CACNA1C: variants seen among roughly 807,000 people sequenced by gnomAD.
The protein encoded by CACNA1C is calcium voltage-gated channel subunit alpha1 C, also known as voltage-dependent L-type calcium channel subunit alpha-1C.
In CACNA1C, 30 loss-of-function variants were observed where a neutral mutation model predicts 229.0. The ratio of observed to expected loss-of-function variants is 0.13; its 90% CI spans 0.10 to 0.18. CACNA1C has a LOEUF of 0.18. Ranked by LOEUF, CACNA1C falls within the 10% of genes least tolerant of loss-of-function variation. CACNA1C has a pLI of 1.00. For synonymous variants in CACNA1C, 1,114 were observed against 1,132.5 expected (o/e 0.98, Z 0.33); for missense variants, 1,658 against 2,845.0 (o/e 0.58, Z 9.49).
intron 1 of CACNA1C, among the ~76,000 whole-genome samples, chr12:1,976,139 G>A (rs2034286175): frequency 6.6e-6 from 1 of 152,192 alleles, no homozygotes; most frequent in Non-Finnish European, 1.5e-5. Context: ...TTCAGCCTAA[G>A]TGGAGTACTG....
chr12:2,634,837 C>T (rs536687294), intron 30 of CACNA1C, among the ~76,000 whole-genome samples: 2 of 152,296 alleles, frequency 1.3e-5, no homozygotes, highest in Admixed American at 6.5e-5. Flanking sequence ...CAGAAGGGAG[C>T]TCTCTCAAAG....
intron 3 of CACNA1C, among the ~76,000 whole-genome samples, chr12:2,443,124 G>A (rs866737789): frequency 6.6e-6 from 1 of 152,318 alleles, no homozygotes. Flanking sequence ...CAGGGCTGGA[G>A]GGCCCGGTAG....
chr12:2,336,940 G>A (rs903963398), intron 3 of CACNA1C, among the ~76,000 whole-genome samples: 2 of 152,186 alleles, frequency 1.3e-5, no homozygotes, highest in African/African-American at 2.4e-5. Flanking sequence ...GCTTCCCCTG[G>A]AAAGGTGGGA....
In CACNA1C at chr12:2,592,098, C is replaced by T. The variant is rs192937430; in HGVS notation, c.2531-1115C>T. The stretch of plus-strand genomic sequence containing the variant: ...AAAGTTCTAGGTAGGCATGAGTTTG[C>T]GGGGGAAACTGTTCAACCCACTGTA... On this transcript the variant is annotated intron_variant, in intron 18 of 46. Coordinates refer to ENST00000399655, the MANE Select transcript of CACNA1C (RefSeq NM_000719.7). Among the ~76,000 whole-genome samples the T allele has an allele frequency of 9.9e-5, 15 of 152,190 alleles. No individual in the cohort carries two copies. The South Asian group carries it at 2.5e-3, about 25-fold the overall frequency.
At position 2,575,401 on chromosome 12, in the gene CACNA1C, A is replaced by T. The variant is rs2058031822; in HGVS notation, c.1896-6189A>T. Among the ~76,000 whole-genome samples, 1 of 152,078 alleles carries T rather than the reference A, an allele frequency of 6.6e-6. No homozygotes were observed. ...GCCTCTGGGCATCCTAATCCCTCCC[A>T]GCTCTATTGTGTCTTAAGGGGCTGG... On this transcript the variant is annotated intron_variant, in intron 13 of 46. Coordinates refer to ENST00000399655, the MANE Select transcript of CACNA1C (RefSeq NM_000719.7). This position sits in a 1 kb window ranked among gnomAD's most constrained non-coding sequence, Gnocchi z 4.0.
At chr12:2,255,763 C>T (rs745747272) in intron 3 of CACNA1C, among the ~76,000 whole-genome samples, 8 of 147,196 alleles carry the variant, frequency 5.4e-5, no homozygotes, top group Non-Finnish European at 1.2e-4. Flanking sequence ...CTTGGCCCTA[C>T]GGATATCACA....
rs1424448157 is a variant in CACNA1C, at chr12:2,488,824, C to T, written c.916+2562C>T. 1.3e-5 allele frequency among the ~76,000 whole-genome samples: 2 copies of T among 152,232 alleles called. No individual in the cohort carries two copies. The highest frequency in any genetic ancestry group is 2.9e-5 in the Non-Finnish European group (2 of 68,040). ...GCAGAAGCCTGTCCTCTCAAATACT[C>T]TGCAATCAGGAGCTTGCTGTCCCTT... is the stretch of plus-strand genomic sequence containing the variant. On this transcript the variant is annotated intron_variant, in intron 6 of 46. Coordinates refer to ENST00000399655, the MANE Select transcript of CACNA1C (RefSeq NM_000719.7). This position sits in a 1 kb window ranked among gnomAD's most constrained non-coding sequence, Gnocchi z 4.0.
intron 3 of CACNA1C, among the ~76,000 whole-genome samples, chr12:2,321,554 G>A (rs1194139813): frequency 6.6e-6 from 1 of 152,166 alleles, no homozygotes; most frequent in Non-Finnish European, 1.5e-5. Flanking sequence ...AGCAGTGGCT[G>A]AGATACAGCT....
At chr12:2,627,250 T>C (rs560534397) in intron 29 of CACNA1C, among the ~76,000 whole-genome samples, 6 of 152,336 alleles carry the variant, frequency 3.9e-5, no homozygotes, top group African/African-American at 1.4e-4. Context: ...CTGGCAGCTG[T>C]GTGCTCCAGT....
intron 3 of CACNA1C, among the ~76,000 whole-genome samples, chr12:2,127,247 A>T (rs2090473418): frequency 6.6e-6 from 1 of 152,042 alleles, no homozygotes; most frequent in Admixed American, 6.5e-5. Flanking sequence ...TTGGACCACC[A>T]CCGCAAGTTC....
At position 2,606,979 on chromosome 12, in the gene CACNA1C, C is replaced by A. The variant is rs373331407; in HGVS notation, c.3210-5C>A. The stretch of plus-strand genomic sequence containing the variant: ...CAGAGTAAACTCCTTCTCCTCCTCT[C>A]TCAGGGGCAACTACATCACGTACAA... On this transcript the variant is annotated splice_polypyrimidine_tract_variant and splice_region_variant and intron_variant, in intron 25 of 46. Coordinates refer to ENST00000399655, the MANE Select transcript of CACNA1C (RefSeq NM_000719.7). 8.1e-6 allele frequency: 13 copies of A among 1,613,588 alleles called. No homozygotes were observed. The highest frequency in any genetic ancestry group is 1.3e-5 in the African/African-American group (1 of 74,944).
At chr12:2,371,343 C>T (rs2097858707) in intron 3 of CACNA1C, among the ~76,000 whole-genome samples, 2 of 152,236 alleles carry the variant, frequency 1.3e-5, no homozygotes, top group Admixed American at 6.5e-5. Flanking sequence ...CGTAGGATTT[C>T]TGCAGTCCCA....
chr12:2,023,931 T>C (rs2154488881), intron 1 of CACNA1C, among the ~76,000 whole-genome samples: 1 of 152,326 alleles, frequency 6.6e-6, no homozygotes, highest in East Asian at 1.9e-4. Context: ...AAAAGAGCAC[T>C]GCACCGGGAG....
At chr12:2,371,257 C>G (rs2097856810) in intron 3 of CACNA1C, among the ~76,000 whole-genome samples, 1 of 152,070 alleles carries the variant, frequency 6.6e-6, no homozygotes, top group African/African-American at 2.4e-5. Flanking sequence ...CACCAGGACA[C>G]AAAGCATCCT....
intron 29 of CACNA1C, among the ~76,000 whole-genome samples, chr12:2,625,976 A>G (rs1191330852): frequency 2.0e-5 from 3 of 152,066 alleles, no homozygotes; most frequent in East Asian, 1.9e-4. Context: ...AAATAAAATA[A>G]AAACCCTACA....
Position 2,287,633 on chromosome 12 carries a change from G to C in CACNA1C, c.478-161343G>C, listed in dbSNP as rs1267559600. 3.9e-5 allele frequency among the ~76,000 whole-genome samples: 6 copies of C among 152,106 alleles called. No homozygotes were observed. Among genetic ancestry groups the C allele is most frequent in the Admixed American group, 6.5e-5 (1 of 15,276 alleles). On this transcript the variant is annotated intron_variant, in intron 3 of 46. Transcript: ENST00000399655. The surrounding 1 kb of genome is among the most constrained non-coding windows in gnomAD (Gnocchi z 4.6). The stretch of plus-strand genomic sequence containing the variant: ...CTGGCCACACATAAGAATCATCTGG[G>C]ATCATTTAACAAAAAACAATGCCAG...
At chr12:2,168,341 CTG>C (rs1482743320) in intron 3 of CACNA1C, among the ~76,000 whole-genome samples, 1 of 152,174 alleles carries the variant, frequency 6.6e-6, no homozygotes, top group Non-Finnish European at 1.5e-5. Flanking sequence ...TTTTTGTCCT[CTG>C]GAAGATGAGG....
chr12:2,277,210 G>C (rs895014726), intron 3 of CACNA1C, among the ~76,000 whole-genome samples: 6 of 152,128 alleles, frequency 3.9e-5, no homozygotes, highest in Non-Finnish European at 8.8e-5. Context: ...TGGAAACACA[G>C]GGTCAGGGGC....
At chr12:2,106,353 GCA>G (rs1206292597) in intron 1 of CACNA1C, among the ~76,000 whole-genome samples, 8 of 59,862 alleles carry the variant, frequency 1.3e-4, no homozygotes, top group African/African-American at 4.5e-4. Flanking sequence ...CCTCAGCTGG[GCA>G]TCGTGAAGCC....
Sources: allele counts gnomAD v4.1 joint callset (sites outside exome capture counted in the v4.1 genomes callset), GRCh38; gene constraint gnomAD v4.1.1; non-coding constraint Gnocchi (gnomAD v3.1); transcripts MANE v1.5; gene names NCBI Gene and HGNC (gene_info 2026-07-23, HGNC 2026-07-21).